The following EHBP1 variants were observed in gnomAD, a reference collection of about 807,000 sequenced individuals.
EHBP1 encodes EH domain-binding protein 1.
EHBP1 carries 55 observed loss-of-function variants against 144.0 expected under a neutral mutation model. That is an observed-to-expected ratio of 0.38 (90% confidence interval 0.31 to 0.48). The LOEUF is 0.48. Among genes scored for constraint, EHBP1 ranks in the 20% least tolerant of loss-of-function variants. The pLI is 0.98. For synonymous variants in EHBP1, 469 were observed against 472.7 expected, an observed-to-expected ratio of 0.99 and a Z score of 0.10; for missense variants, 1,200 against 1,364.2, an observed-to-expected ratio of 0.88 and a Z score of 1.90.
intron 10 of EHBP1, among the ~76,000 whole-genome samples, chr2:62,925,751 T>C (rs976895503): frequency 6.6e-6 from 1 of 151,972 alleles, no homozygotes; most frequent in Non-Finnish European, 1.5e-5. Flanking sequence ...ATGAAAGAAA[T>C]TGAAGAGGAT....
intron 10 of EHBP1, among the ~76,000 whole-genome samples, chr2:62,927,330 T>C (rs1037887834): frequency 1.6e-4 from 24 of 152,126 alleles, no homozygotes; most frequent in Non-Finnish European, 7.4e-5. Flanking sequence ...ATATAGCTAC[T>C]TAAAGCTATA....
chr2:62,900,703 T>TATATATATATATATATATATATA (rs1558881616), intron 10 of EHBP1, among the ~76,000 whole-genome samples: 19 of 150,498 alleles, frequency 1.3e-4, no homozygotes, highest in African/African-American at 3.9e-4. Flanking sequence ...TATATATATA[T>TATATATATATATATATATATATA]TTTCTTTCTC....
At chr2:62,805,134 A>G (rs191266623) in intron 5 of EHBP1, among the ~76,000 whole-genome samples, 2 of 152,342 alleles carry the variant, frequency 1.3e-5, no homozygotes, top group Admixed American at 1.3e-4. Context: ...AAAGTAATTT[A>G]GGATCAATGT....
intron 19 of EHBP1, among the ~76,000 whole-genome samples, chr2:63,036,456 T>C (rs1323953124): frequency 1.3e-5 from 2 of 151,918 alleles, no homozygotes; most frequent in African/African-American, 2.4e-5. Context: ...ATCCTTGACA[T>C]TTTACGTGAA....
chr2:62,683,493 A>G lies in EHBP1; in HGVS notation c.-296+9410A>G, dbSNP rs138932354. Among the ~76,000 whole-genome samples, 305 of 152,052 alleles carry G rather than the reference A, an allele frequency of 2.0e-3. 1 individual carries two copies. Among genetic ancestry groups the G allele is most frequent in the African/African-American group, 7.0e-3 (289 of 41,490 alleles). ...GCTAACACGGTGAAACCCCACCTGT[A>G]CTGAAAATACAAAAAATTAGCTGGG... On this transcript the variant is annotated intron_variant, in intron 1 of 22. Transcript: ENST00000405015.
At chr2:62,942,354 C>T (rs1211654397) in intron 10 of EHBP1, among the ~76,000 whole-genome samples, 2 of 152,040 alleles carry the variant, frequency 1.3e-5, no homozygotes, top group Non-Finnish European at 2.9e-5. Context: ...AAAAAGAAAC[C>T]GTATTTGTAC....
intron 19 of EHBP1, among the ~76,000 whole-genome samples, chr2:63,035,186 A>T (rs2061401913): frequency 6.6e-6 from 1 of 152,072 alleles, no homozygotes; most frequent in Admixed American, 6.6e-5. Flanking sequence ...ATGTATTAGA[A>T]GAAATTTTAA....
chr2:62,971,365 G>T (rs540728286), intron 14 of EHBP1, among the ~76,000 whole-genome samples: 2 of 151,892 alleles, frequency 1.3e-5, no homozygotes, highest in Non-Finnish European at 3.0e-5. Flanking sequence ...TTAAGTGAAT[G>T]TAAACAAATT....
chr2:62,940,839 G>A (rs2056713230), intron 10 of EHBP1, among the ~76,000 whole-genome samples: 1 of 152,058 alleles, frequency 6.6e-6, no homozygotes, highest in Non-Finnish European at 1.5e-5. Flanking sequence ...AGTTCTTCTA[G>A]CCTTTTCATA....
intron 2 of EHBP1, among the ~76,000 whole-genome samples, chr2:62,723,560 T>G (rs1180569149): frequency 6.6e-6 from 1 of 152,210 alleles, no homozygotes; most frequent in African/African-American, 2.4e-5. Context: ...CTTGTGTGGT[T>G]GCTTTATAGT....
chr2:62,923,317 T>C (rs960969029), intron 10 of EHBP1, among the ~76,000 whole-genome samples: 1 of 152,152 alleles, frequency 6.6e-6, no homozygotes, highest in Admixed American at 6.5e-5. Flanking sequence ...AGGGTGAACC[T>C]ACCCATGAGC....
rs925159984 is a variant in EHBP1 at position 62,998,263 on chromosome 2, A to G, written c.3103+1497A>G. On this transcript the variant is annotated intron_variant, in intron 19 of 22. Coordinates refer to ENST00000431489, the MANE Select transcript of EHBP1 (RefSeq NM_001142616.3). ...TGCATGCATGCTCAGTCTTATACCTATATACTTGTGTGGATTCAGCATGAT... is the reference window on the plus strand; with the variant it reads ...TGCATGCATGCTCAGTCTTATACCTGTATACTTGTGTGGATTCAGCATGAT... Among the ~76,000 whole-genome samples, 6 of 152,016 alleles carry G rather than the reference A, an allele frequency of 3.9e-5. No homozygotes were observed. In the South Asian group the frequency reaches 6.2e-4, roughly 16 times the overall value.
At chr2:62,894,044 C>CA (rs146913575) in intron 10 of EHBP1, among the ~76,000 whole-genome samples, 455 of 95,964 alleles carry the variant, frequency 4.7e-3, no homozygotes, top group African/African-American at 8.4e-3. Flanking sequence ...GACTCCGTCT[C>CA]AAAAAAAAAA....
intron 15 of EHBP1, among the ~76,000 whole-genome samples, chr2:62,983,827 C>T (rs576641492): frequency 1.3e-5 from 2 of 152,368 alleles, no homozygotes; most frequent in East Asian, 3.9e-4. Flanking sequence ...CAGGCGTGAG[C>T]CACTGCGCCC....
rs550115935 is a variant in EHBP1, at chr2:62,797,647, G to A, written c.312+26255G>A. On this transcript the variant is annotated intron_variant, in intron 5 of 22. Coordinates refer to ENST00000431489, the MANE Select transcript of EHBP1 (RefSeq NM_001142616.3). ...AAACTTTTGCCTGTTAATTGTGGAT[G>A]GAGGATACCCAGGCATGAGCTCTTT... Among the ~76,000 whole-genome samples the A allele has an allele frequency of 1.2e-4, 19 of 152,260 alleles. 1 individual carries two copies. The South Asian group carries it at 3.7e-3, about 30-fold the overall frequency.
At chr2:62,838,793 A>G (rs1367698691) in intron 7 of EHBP1, among the ~76,000 whole-genome samples, 1 of 147,918 alleles carries the variant, frequency 6.8e-6, no homozygotes, top group African/African-American at 2.5e-5. Context: ...TAAACCAGGA[A>G]GAAGTTGAAT....
intron 2 of EHBP1, among the ~76,000 whole-genome samples, chr2:62,726,967 A>G (rs940366839): frequency 2.0e-5 from 3 of 152,056 alleles, no homozygotes; most frequent in Admixed American, 6.5e-5. Flanking sequence ...GGTTCAAGCA[A>G]TTCTCCTGCC....
At chr2:63,003,825 T>C (rs2059933580) in intron 19 of EHBP1, among the ~76,000 whole-genome samples, 1 of 152,060 alleles carries the variant, frequency 6.6e-6, no homozygotes, top group African/African-American at 2.4e-5. Flanking sequence ...TCAGTGTCCT[T>C]CAAAAGCATT....
At chr2:62,950,457 T>C (rs2153095707) in intron 13 of EHBP1, among the ~76,000 whole-genome samples, 1 of 152,320 alleles carries the variant, frequency 6.6e-6, no homozygotes, top group Admixed American at 6.5e-5. Context: ...CCCTTCTCAA[T>C]TTTTGTTTTT....
Sources: allele counts gnomAD v4.1 joint callset (sites outside exome capture counted in the v4.1 genomes callset), GRCh38; gene constraint gnomAD v4.1.1; transcripts MANE v1.5; gene names NCBI Gene and HGNC (gene_info 2026-07-23, HGNC 2026-07-21).